The following EEF1AKMT1 variants were observed in gnomAD, a reference collection of about 807,000 sequenced individuals.
The protein encoded by EEF1AKMT1 is EEF1A lysine methyltransferase 1.
In EEF1AKMT1, 18 loss-of-function variants were observed where a neutral mutation model predicts 21.0. The observed-to-expected ratio is 0.86, with a 90% CI of 0.59 to 1.27. The LOEUF is 1.27. Ranked by LOEUF, EEF1AKMT1 falls within the 50% of genes most tolerant of loss-of-function variation. The probability of loss-of-function intolerance (pLI) is 0.00; values close to 1 mark genes in which losing one functional copy is unlikely to be tolerated. For missense variants in EEF1AKMT1, 246 were observed against 258.6 expected (o/e 0.95, Z 0.33); for synonymous variants, 109 against 94.8 (o/e 1.15, Z -0.87).
intron 4 of EEF1AKMT1, among the ~76,000 whole-genome samples, chr13:20,730,825 C>T (rs780404655): frequency 2.0e-5 from 3 of 152,196 alleles, no homozygotes; most frequent in Admixed American, 1.3e-4. Flanking sequence ...CTGGCCACCC[C>T]GCAGCCAGCA....
intron 2 of EEF1AKMT1, among the ~76,000 whole-genome samples, chr13:20,756,816 T>C (rs1274682700): frequency 1.3e-5 from 2 of 152,226 alleles, no homozygotes; most frequent in Non-Finnish European, 2.9e-5. Flanking sequence ...TGCCCACCTT[T>C]GAGTGGTGCC....
At chr13:20,771,195 C>T (rs751961214) in intron 1 of EEF1AKMT1, among the ~76,000 whole-genome samples, 15 of 152,232 alleles carry the variant, frequency 9.9e-5, no homozygotes, top group Middle Eastern at 3.4e-3. Flanking sequence ...TTAGTACTTT[C>T]CACAGCTGCG....
At chr13:20,766,560 G>A (rs577324050) in intron 1 of EEF1AKMT1, among the ~76,000 whole-genome samples, 70 of 151,820 alleles carry the variant, frequency 4.6e-4, no homozygotes, top group Non-Finnish European at 8.0e-4. Context: ...GGTGGCTCAC[G>A]TCTGTAATCC....
At chr13:20,764,581 G>C (rs1427604408) in intron 1 of EEF1AKMT1, among the ~76,000 whole-genome samples, 1 of 152,002 alleles carries the variant, frequency 6.6e-6, no homozygotes, top group South Asian at 2.1e-4. Flanking sequence ...TAGTTCTATC[G>C]ATTGCTGAGA....
Position 20,771,060 on chromosome 13 carries a change from G to A in EEF1AKMT1, c.-20+2861C>T, listed in dbSNP as rs773241847. ...ATGTCCAGCTAATTTTTGTAGAGAC[G>A]GGGGTCTCGTCATGTTGCCCAGGCT... On this transcript the variant is annotated intron_variant, in intron 1 of 4. Transcript: ENST00000382758. Among the ~76,000 whole-genome samples the A allele has an allele frequency of 1.1e-3, 167 of 151,728 alleles. 1 individual carries two copies. The highest frequency in any genetic ancestry group is 3.1e-3 in the African/African-American group (129 of 41,278).
chr13:20,766,891 T>G (rs553743480), intron 1 of EEF1AKMT1, among the ~76,000 whole-genome samples: 23 of 152,152 alleles, frequency 1.5e-4, no homozygotes, highest in Non-Finnish European at 3.4e-4. Flanking sequence ...ATTTCTCTTC[T>G]CCAAACCTTT....
At chr13:20,729,790 T>G (rs575242418) in intron 4 of EEF1AKMT1, among the ~76,000 whole-genome samples, 1 of 152,282 alleles carries the variant, frequency 6.6e-6, no homozygotes, top group African/African-American at 2.4e-5. Flanking sequence ...TCTCTCAACT[T>G]CATCTTCAAA....
At chr13:20,733,412 G>C (rs1333445664) in intron 3 of EEF1AKMT1, among the ~76,000 whole-genome samples, 2 of 152,078 alleles carry the variant, frequency 1.3e-5, no homozygotes, top group Non-Finnish European at 2.9e-5. Context: ...TTTTTATAGA[G>C]ACAGGGTTTT....
chr13:20,739,951 A>C (rs946499421), intron 2 of EEF1AKMT1, among the ~76,000 whole-genome samples: 4 of 152,224 alleles, frequency 2.6e-5, no homozygotes, highest in Non-Finnish European at 5.9e-5. Context: ...GCCCTTGGGC[A>C]GTTGATGCGA....
intron 2 of EEF1AKMT1, chr13:20,747,430 C>T (rs527299884): frequency 2.0e-4 from 43 of 210,538 alleles, no homozygotes; most frequent in African/African-American, 7.0e-4. Flanking sequence ...TTCACATAAA[C>T]GTACCAGATC....
chr13:20,759,931 T>A (rs7334397), intron 1 of EEF1AKMT1, among the ~76,000 whole-genome samples: 6 of 151,720 alleles, frequency 4.0e-5, no homozygotes, highest in Non-Finnish European at 7.4e-5. Context: ...AGTCAAACCC[T>A]GTCTCTACTA....
rs1491496241 is a variant in EEF1AKMT1, at chr13:20,748,725, G to GTTTT, written c.144+8729_144+8730insAAAA. 7.3e-5 allele frequency among the ~76,000 whole-genome samples: 5 copies of GTTTT among 68,642 alleles called. No individual in the cohort carries two copies. The East Asian group carries it at 2.6e-3, about 35-fold the overall frequency. 45.0% of individuals were successfully genotyped at this position (68,642 alleles called of 152,430 possible). A position where few individuals can be genotyped will look rare whatever the true frequency, so the allele number is the denominator to read the frequency against. ...TCCTAATGTATAGTTGTTTTTTTTTGGTTTTTTTTTTTTTTTTTTTTTGAG... is the reference window on the plus strand; with the variant it reads ...TCCTAATGTATAGTTGTTTTTTTTTGTTTTGTTTTTTTTTTTTTTTTTTTTTGAG... On this transcript the variant is annotated intron_variant, in intron 2 of 4. Coordinates refer to ENST00000382758, the MANE Select transcript of EEF1AKMT1 (RefSeq NM_001318939.2).
chr13:20,757,651 T>A, intron 1 of EEF1AKMT1, 34 bp from the exon 2 acceptor site: 2 of 1,528,248 alleles, frequency 1.3e-6, no homozygotes, highest in Middle Eastern at 1.7e-4. Context: ...CTGTGCAGAT[T>A]TTGTTTCCCC....
intron 2 of EEF1AKMT1, among the ~76,000 whole-genome samples, chr13:20,751,426 G>T (rs1331576660): frequency 2.6e-5 from 4 of 152,078 alleles, no homozygotes; most frequent in Non-Finnish European, 4.4e-5. Flanking sequence ...TTGAAGAGGT[G>T]TCCTTTCCCC....
Position 20,732,096 on chromosome 13 carries a change from C to T in EEF1AKMT1, c.253G>A (p.Val85Ile). The T allele has an allele frequency of 6.2e-7, 1 of 1,612,052 alleles. No individual in the cohort carries two copies. Among genetic ancestry groups the T allele is most frequent in the Non-Finnish European group, 8.5e-7 (1 of 1,179,094 alleles). The change falls in exon 4 of 5, where the codon GTT becomes ATT. Residue 85 changes from valine (V) to isoleucine (I), a missense_variant. Val to Ile is a conservative substitution (Grantham distance 29, BLOSUM62 3). Coordinates refer to ENST00000382758, the MANE Select transcript of EEF1AKMT1 (RefSeq NM_001318939.2). ...CACAGCTCTCTGAGTTTCTGGTAAA[C>T]ACTAGGGGCACTCACACATGCGATT... ...GRIACVSAPS[V>I]YQKLRELCRE...
intron 1 of EEF1AKMT1, among the ~76,000 whole-genome samples, chr13:20,766,136 A>G (rs2059030321): frequency 6.6e-6 from 1 of 151,682 alleles, no homozygotes. Context: ...CATCTCTACT[A>G]AAAATACAAA....
Position 20,757,859 on chromosome 13 carries a change from G to A in EEF1AKMT1, c.-19-242C>T, listed in dbSNP as rs78412272. On this transcript the variant is annotated intron_variant, in intron 1 of 4. Transcript: ENST00000382758. Reference sequence around the variant, plus strand: ...TGTCTCATTATACTCTCCTTCCTTTGTAATTCAGACACAACTGACCAGTAT... The same window carrying A: ...TGTCTCATTATACTCTCCTTCCTTTATAATTCAGACACAACTGACCAGTAT... Among the ~76,000 whole-genome samples the A allele has an allele frequency of 1.9e-4, 29 of 152,254 alleles. No homozygotes were observed. The East Asian group carries it at 5.4e-3, about 28-fold the overall frequency.
chr13:20,757,275 T>C (rs1327061432), intron 2 of EEF1AKMT1, 180 bp downstream of exon 2: 2 of 550,840 alleles, frequency 3.6e-6, no homozygotes, highest in Non-Finnish European at 6.1e-6. Context: ...GAAAAGCTGT[T>C]ACACTGTTCT....
chr13:20,753,256 G>T (rs1176879672), intron 2 of EEF1AKMT1, among the ~76,000 whole-genome samples: 11 of 152,028 alleles, frequency 7.2e-5, no homozygotes, highest in African/African-American at 2.7e-4. Context: ...AGTTTCTCCT[G>T]TTATTGATTT....
Sources: allele counts gnomAD v4.1 joint callset (sites outside exome capture counted in the v4.1 genomes callset), GRCh38; gene constraint gnomAD v4.1.1; transcripts MANE v1.5; gene names NCBI Gene and HGNC (gene_info 2026-07-23, HGNC 2026-07-21).